Variants in SBF2 observed in about 807,000 individuals in gnomAD.
The protein encoded by SBF2 is SET binding factor 2.
Under a neutral mutation model 225.2 loss-of-function variants are expected in SBF2, and 112 were observed. That is an observed-to-expected ratio of 0.50 (90% confidence interval 0.43 to 0.58). SBF2 has a LOEUF of 0.58. Among genes scored for constraint, SBF2 ranks in the 20% least tolerant of loss-of-function variants. SBF2 has a pLI of 0.00. For missense variants in SBF2, 1,996 were observed against 2,206.2 expected (o/e 0.90, Z 1.91); for synonymous variants, 763 against 773.3 (o/e 0.99, Z 0.22).
chr11:10,097,067 C>G (rs1287580046), intron 2 of SBF2, among the ~76,000 whole-genome samples: 1 of 152,126 alleles, frequency 6.6e-6, no homozygotes, highest in East Asian at 1.9e-4. Context: ...TGATAGTATT[C>G]AGAGGTGAGG....
intron 1 of SBF2, among the ~76,000 whole-genome samples, chr11:10,227,591 T>G (rs890720697): frequency 6.6e-6 from 1 of 152,236 alleles, no homozygotes; most frequent in Non-Finnish European, 1.5e-5. Flanking sequence ...CTGTTCCCCA[T>G]TGCTTGTTTT....
intron 37 of SBF2, among the ~76,000 whole-genome samples, chr11:9,784,766 T>C (rs988102203): frequency 4.6e-5 from 7 of 152,322 alleles, no homozygotes; most frequent in African/African-American, 1.4e-4. Flanking sequence ...CCCTTGGCTG[T>C]CCTAGCTTAT....
At chr11:10,244,246 G>A (rs1254565378) in intron 1 of SBF2, among the ~76,000 whole-genome samples, 1 of 151,748 alleles carries the variant, frequency 6.6e-6, no homozygotes, top group Non-Finnish European at 1.5e-5. Flanking sequence ...TCTTCTATGA[G>A]TTTCATCGTT....
At chr11:10,056,592 G>A (rs765351441) in intron 2 of SBF2, among the ~76,000 whole-genome samples, 1 of 152,164 alleles carries the variant, frequency 6.6e-6, no homozygotes, top group Non-Finnish European at 1.5e-5. Context: ...TATTGATTTT[G>A]TATCCTGCAA....
At chr11:9,867,259 C>G (rs995595847) in intron 17 of SBF2, among the ~76,000 whole-genome samples, 1 of 152,104 alleles carries the variant, frequency 6.6e-6, no homozygotes, top group African/African-American at 2.4e-5. Flanking sequence ...TATACACCTA[C>G]TATGTACCCA....
intron 17 of SBF2, 26 bp from the exon 18 acceptor site, chr11:9,858,422 T>C (rs752153980): frequency 6.2e-7 from 1 of 1,613,136 alleles, no homozygotes; most frequent in African/African-American, 1.3e-5. Context: ...AAATACATCA[T>C]CATGGGGCTG....
chr11:10,063,858 C>CACACACACACACACACAG (rs373423157), intron 2 of SBF2, among the ~76,000 whole-genome samples: 9 of 136,240 alleles, frequency 6.6e-5, no homozygotes, highest in African/African-American at 2.4e-4. Flanking sequence ...CACACACACA[C>CACACACACACACACACAG]AGAGAGAGAG....
chr11:10,078,684 C>T (rs188160519), intron 2 of SBF2, among the ~76,000 whole-genome samples: 6 of 151,976 alleles, frequency 3.9e-5, no homozygotes, highest in South Asian at 2.1e-4. Context: ...ATGTAAATGA[C>T]GAGTTGATGG....
intron 1 of SBF2, among the ~76,000 whole-genome samples, chr11:10,218,572 C>G (rs1296586105): frequency 6.6e-6 from 1 of 152,070 alleles, no homozygotes; most frequent in Non-Finnish European, 1.5e-5. Context: ...TCATCCAAGA[C>G]AAGACAAGTC....
intron 2 of SBF2, among the ~76,000 whole-genome samples, chr11:10,156,356 G>A (rs897049670): frequency 4.6e-5 from 7 of 152,198 alleles, no homozygotes; most frequent in African/African-American, 1.4e-4. Context: ...GCTGCCCCTC[G>A]GCGCGAACAG....
intron 16 of SBF2, among the ~76,000 whole-genome samples, chr11:9,912,663 A>G (rs752056251): frequency 3.3e-5 from 5 of 152,210 alleles, no homozygotes; most frequent in Non-Finnish European, 7.3e-5. Context: ...TCTTCTTCCA[A>G]TGTGGCCCAG....
chr11:9,896,144 C>T (rs905751047), intron 16 of SBF2, 133 bp from the exon 17 acceptor site: 11 of 739,242 alleles, frequency 1.5e-5, no homozygotes, highest in South Asian at 4.3e-5. Flanking sequence ...GAGGACCTGA[C>T]GGAGGGGTTT....
chr11:10,221,962 G>A (rs531658911), intron 1 of SBF2, among the ~76,000 whole-genome samples: 1 of 152,296 alleles, frequency 6.6e-6, no homozygotes, highest in Admixed American at 6.5e-5. Context: ...CACATCCTAG[G>A]AAGAAGAGAC....
At chr11:9,852,054 C>T (rs150035813) in intron 21 of SBF2, among the ~76,000 whole-genome samples, 41 of 152,296 alleles carry the variant, frequency 2.7e-4, no homozygotes, top group African/African-American at 5.8e-4. Context: ...GGATTATAGG[C>T]GTGAGCCATG....
intron 2 of SBF2, among the ~76,000 whole-genome samples, chr11:10,073,979 A>G (rs912029057): frequency 2.0e-5 from 3 of 152,236 alleles, no homozygotes; most frequent in Non-Finnish European, 4.4e-5. Flanking sequence ...ATATTTATGA[A>G]CAAAGTGATA....
chr11:10,277,741 G>A (rs1279404097), intron 1 of SBF2, among the ~76,000 whole-genome samples: 3 of 152,136 alleles, frequency 2.0e-5, no homozygotes, highest in Non-Finnish European at 4.4e-5. Context: ...AGAGAATGCG[G>A]CCATGTGATG....
At chr11:10,211,014 C>CATAAAAAAA (rs1957924208) in intron 1 of SBF2, among the ~76,000 whole-genome samples, 1 of 33,054 alleles carries the variant, frequency 3.0e-5, no homozygotes, top group Admixed American at 5.4e-4. Flanking sequence ...ACTCTTGACT[C>CATAAAAAAA]AAAAAAAAAA....
At chr11:9,930,125 G>C (rs10840326) in intron 16 of SBF2, among the ~76,000 whole-genome samples, 55,579 of 151,628 alleles carry the variant, frequency 0.37, 10,718 homozygotes, top group Non-Finnish European at 0.44. Context: ...GCACATCCTG[G>C]ACATGTACCT....
At position 9,779,081 on chromosome 11, in the gene SBF2, T is replaced by A. The variant is rs1851875509; in HGVS notation, c.*1337A>T. 6 of 152,684 alleles carry A rather than the reference T, an allele frequency of 3.9e-5. No homozygotes were observed. The highest frequency in any genetic ancestry group is 3.9e-4 in the Admixed American group (6 of 15,292). The allele number at this position is 152,684 out of a possible 1,614,324, so 9.5% of individuals were successfully genotyped here. A position where few individuals can be genotyped will look rare whatever the true frequency, so the allele number is the denominator to read the frequency against. On this transcript the variant is annotated 3_prime_UTR_variant, in exon 40 of 40. Transcript: ENST00000256190. ...TTTCTTATATATTAACACAGTTCTA[T>A]TTCCTAGTGTGTGGACAATTTTAAA...
Sources: gnomAD v4.1 joint callset for allele counts (sites outside exome capture counted in the v4.1 genomes callset) on GRCh38, gnomAD v4.1.1 for gene constraint, MANE v1.5 for transcripts, NCBI Gene and HGNC (gene_info 2026-07-23, HGNC 2026-07-21) for gene names.